The following A2ML1 variants were observed in gnomAD, a reference collection of about 807,000 sequenced individuals.
The protein encoded by A2ML1 is alpha-2-macroglobulin like 1.
A2ML1 carries 161 observed loss-of-function variants against 181.9 expected under a neutral mutation model. The ratio of observed to expected loss-of-function variants is 0.89; its 90% CI spans 0.78 to 1.01. The LOEUF (loss-of-function observed/expected upper bound fraction) is 1.01. Ranked by LOEUF, A2ML1 falls within the 50% of genes least tolerant of loss-of-function variation. The pLI, the probability that A2ML1 is intolerant of heterozygous loss-of-function variation, is 0.00. For synonymous variants in A2ML1, 663 were observed against 666.8 expected, an observed-to-expected ratio of 0.99 and a Z score of 0.09; for missense variants, 1,670 against 1,768.1, an observed-to-expected ratio of 0.94 and a Z score of 1.00.
intron 17 of A2ML1, among the ~76,000 whole-genome samples, 179 bp downstream of exon 17, chr12:8,849,938 C>G (rs1362551468): frequency 6.6e-6 from 1 of 152,094 alleles, no homozygotes. Flanking sequence ...GCTTTTGAAG[C>G]CTGAAGCTTA....
intron 10 of A2ML1, 119 bp from the exon 11 acceptor site, chr12:8,841,250 G>A (rs1280679139): frequency 8.4e-6 from 7 of 837,750 alleles, no homozygotes; most frequent in African/African-American, 6.9e-5. Flanking sequence ...TAGAAATTCT[G>A]TTATTACTTT....
chr12:8,834,486 A>G (rs1330991683), intron 4 of A2ML1, among the ~76,000 whole-genome samples, 176 bp from the exon 5 acceptor site: 4 of 152,190 alleles, frequency 2.6e-5, no homozygotes, highest in Non-Finnish European at 5.9e-5. Context: ...CCTCCCAAGA[A>G]GTCTGTGCCC....
rs750018676 is a variant in A2ML1, at chr12:8,841,382, G to T, written c.1094G>T (p.Gly365Val). 6.2e-7 allele frequency: 1 copy of T among 1,613,940 alleles called. No homozygotes were observed. Among genetic ancestry groups the T allele is most frequent in the African/African-American group, 1.3e-5 (1 of 74,894 alleles). Reference sequence around the variant, plus strand: ...TTTGTCCTTCAGATAAGAGTTAGGGGCCATGATGACTCCTTCCTCAAGAAC... The same window carrying T: ...TTTGTCCTTCAGATAAGAGTTAGGGTCCATGATGACTCCTTCCTCAAGAAC... ...FPFSGKIRVRGHDDSFLKNHL... is the reference protein window; with the variant it reads ...FPFSGKIRVRVHDDSFLKNHL... Residue 365 changes from glycine to valine, a missense_variant, in exon 11 of 36, where the codon GGC becomes GTC. Gly to Val is a moderately radical substitution (Grantham distance 109). Coordinates refer to ENST00000299698, the MANE Select transcript of A2ML1 (RefSeq NM_144670.6).
intron 31 of A2ML1, 35 bp from the exon 32 acceptor site, chr12:8,868,502 T>C: frequency 6.2e-7 from 1 of 1,608,880 alleles, no homozygotes; most frequent in Non-Finnish European, 8.5e-7. Context: ...ACTGAAGTAA[T>C]AGGCTCACAT....
intron 23 of A2ML1, 56 bp downstream of exon 23, chr12:8,855,648 G>A (rs1195064128): frequency 9.6e-6 from 15 of 1,555,550 alleles, no homozygotes; most frequent in Non-Finnish European, 1.3e-5. Flanking sequence ...AGGCTGCAAA[G>A]GTGTGGAGTG....
Position 8,874,534 on chromosome 12 carries a change from G to T in A2ML1, c.4324+7G>T, listed in dbSNP as rs1265729850. The T allele has an allele frequency of 6.2e-7, 1 of 1,604,276 alleles. No individual in the cohort carries two copies. The highest frequency in any genetic ancestry group is 8.5e-7 in the Non-Finnish European group (1 of 1,171,364). ...TATGACTACTACCTACCAGGTGAGA[G>T]GGCTGAGCTGAAATGAGATCTGAGA... is the stretch of plus-strand genomic sequence containing the variant. On this transcript the variant is annotated splice_region_variant and intron_variant, in intron 34 of 35. Transcript: ENST00000299698.
At chr12:8,880,314 G>A (rs1024186052), downstream of A2ML1, among the ~76,000 whole-genome samples, 2 of 152,060 alleles carry the variant, frequency 1.3e-5, no homozygotes, top group East Asian at 3.9e-4. Context: ...TGCAGTGAGC[G>A]GAGATTGTAG....
At chr12:8,854,743 T>A in intron 21 of A2ML1, 37 bp from the exon 22 acceptor site, 1 of 1,612,456 alleles carries the variant, frequency 6.2e-7, no homozygotes, top group Non-Finnish European at 8.5e-7. Flanking sequence ...CTGATGTTCA[T>A]CTTTGTTGTT....
chr12:8,836,012 CAAAAAAA>C (rs753902128), intron 6 of A2ML1, among the ~76,000 whole-genome samples: 48 of 52,204 alleles, frequency 9.2e-4, no homozygotes, highest in Non-Finnish European at 1.7e-3. Context: ...GACTCCGTCT[CAAAAAAA>C]AAAAAAAAAA....
Position 8,823,237 on chromosome 12 carries a change from T to G in A2ML1, c.118T>G (p.Cys40Gly), listed in dbSNP as rs933811492. The G allele has an allele frequency of 2.8e-5, 46 of 1,614,046 alleles. No individual in the cohort carries two copies. The Admixed American group carries it at 7.7e-4, about 27-fold the overall frequency. ...RLNFPSVQKV[C>G]LDLSPGYSDV... ...AAATTTCCCCTCCGTTCAGAAGGTT[T>G]GTTTGGACCTGAGCCCTGGGTACAG... Residue 40 changes from cysteine to glycine, a missense_variant, in exon 2 of 36, where the codon TGT becomes GGT. Transcript: ENST00000299698.
Position 8,857,348 on chromosome 12 carries a change from G to A in A2ML1, c.3025+8G>A. The A allele has an allele frequency of 6.2e-7, 1 of 1,613,750 alleles. No individual in the cohort carries two copies. The highest frequency in any genetic ancestry group is 8.5e-7 in the Non-Finnish European group (1 of 1,179,844). ...TGGGTTTCCTGGAAATAGGTAAGTT[G>A]GTTCAGTCTTTCTTTCTTGAACACT... On this transcript the variant is annotated splice_region_variant and intron_variant, in intron 24 of 35. Coordinates refer to ENST00000299698, the MANE Select transcript of A2ML1 (RefSeq NM_144670.6).
intron 3 of A2ML1, 24 bp downstream of exon 3, chr12:8,823,906 C>G (rs375095251): frequency 6.3e-7 from 1 of 1,594,366 alleles, no homozygotes; most frequent in Non-Finnish European, 8.6e-7. Context: ...ATTTGGGGTT[C>G]GACTAAAACC....
Position 8,843,482 on chromosome 12 carries a change from T to C in A2ML1, c.1476+121T>C, listed in dbSNP as rs114403112. On this transcript the variant is annotated intron_variant, in intron 12 of 35. Coordinates refer to ENST00000299698, the MANE Select transcript of A2ML1 (RefSeq NM_144670.6). Reference sequence around the variant, plus strand: ...AGATGCACATCTAATTAAAAACAATTTTAAAGCCACACTAAAAAAGTAAAA... The same window carrying C: ...AGATGCACATCTAATTAAAAACAATCTTAAAGCCACACTAAAAAAGTAAAA... 1.2e-3 allele frequency: 1,016 copies of C among 855,550 alleles called. 5 individuals carry two copies. In the African/African-American group the frequency reaches 0.014, roughly 12 times the overall value. 53.0% of individuals were successfully genotyped at this position (855,550 alleles called of 1,614,324 possible).
Position 8,867,892 on chromosome 12 carries a change from C to T in A2ML1, c.3768C>T (p.Tyr1256=), listed in dbSNP as rs1402696997. 1.5e-5 allele frequency: 24 copies of T among 1,614,116 alleles called. No individual in the cohort carries two copies. In the East Asian group the frequency reaches 2.9e-4, roughly 19 times the overall value. Residue 1256 remains tyrosine, a synonymous_variant, in exon 30 of 36, where the codon TAC becomes TAT. Transcript: ENST00000299698. ...TTGCCAAATATGCCACTACCGCCTA[C>T]ATGCCATCTGAGGAGATCAACCTGG... ...QALAKYATTA[Y]MPSEEINLVV...
At position 8,868,218 on chromosome 12, in the gene A2ML1, T is replaced by C; in HGVS notation, c.3934-12T>C. ...TCCAAGTCTGATTTGGCTACCTATTTCTTCCTACCAGACGGTGTTGAGATA... is the reference window on the plus strand; with the variant it reads ...TCCAAGTCTGATTTGGCTACCTATTCCTTCCTACCAGACGGTGTTGAGATA... On this transcript the variant is annotated splice_polypyrimidine_tract_variant and intron_variant, in intron 30 of 35. Coordinates refer to ENST00000299698, the MANE Select transcript of A2ML1 (RefSeq NM_144670.6). The C allele has an allele frequency of 1.2e-6, 2 of 1,613,730 alleles. 1 individual carries two copies. The highest frequency in any genetic ancestry group is 2.2e-5 in the South Asian group (2 of 90,888).
chr12:8,854,337 A>G (rs2136895533), intron 21 of A2ML1, 88 bp downstream of exon 21: 1 of 1,488,894 alleles, frequency 6.7e-7, no homozygotes, highest in Non-Finnish European at 8.9e-7. Context: ...CACAGCAACC[A>G]TACTCCAGTC....
Position 8,852,475 on chromosome 12 carries a change from A to G in A2ML1, c.2590+139A>G, listed in dbSNP as rs2136882878. The G allele has an allele frequency of 1.6e-6, 2 of 1,271,124 alleles. No individual in the cohort carries two copies. The highest frequency in any genetic ancestry group is 4.8e-5 in the East Asian group (2 of 42,018). The allele number at this position is 1,271,124 out of a possible 1,614,324, so 78.7% of individuals were successfully genotyped here. A position where few individuals can be genotyped will look rare whatever the true frequency, so the allele number is the denominator to read the frequency against. ...TATTTTTCTCCCTCCTAAGGCTGTT[A>G]TAAGTCAATACACAAACACTCTTTG... On this transcript the variant is annotated intron_variant, in intron 20 of 35. Transcript: ENST00000299698. This position sits in a 1 kb window ranked among gnomAD's most constrained non-coding sequence, Gnocchi z 4.2.
At chr12:8,839,301 A>G (rs1469038980) in intron 10 of A2ML1, 79 bp downstream of exon 10, 19 of 947,146 alleles carry the variant, frequency 2.0e-5, no homozygotes, top group Non-Finnish European at 1.3e-5. Flanking sequence ...CCATAGCCAC[A>G]TAGCTAACTT....
chr12:8,875,148 G>A (rs191560894), intron 35 of A2ML1, 136 bp downstream of exon 35: 14 of 901,166 alleles, frequency 1.6e-5, no homozygotes, highest in South Asian at 5.0e-5. Context: ...GGGCAGTGGC[G>A]GAGGTTGAGT....
Sources: allele counts gnomAD v4.1 joint callset (sites outside exome capture counted in the v4.1 genomes callset), GRCh38; gene constraint gnomAD v4.1.1; non-coding constraint Gnocchi (gnomAD v3.1); transcripts MANE v1.5; gene names NCBI Gene and HGNC (gene_info 2026-07-23, HGNC 2026-07-21).